The following JOSD1 variants were observed in gnomAD, a reference collection of about 807,000 sequenced individuals.
The protein encoded by JOSD1 is josephin-1.
In JOSD1, 11 loss-of-function variants were observed where a neutral mutation model predicts 24.3. That is an observed-to-expected ratio of 0.45 (90% CI 0.29 to 0.75). JOSD1 has a LOEUF of 0.75. Ranked by LOEUF, JOSD1 falls within the 30% of genes least tolerant of loss-of-function variation. The probability of loss-of-function intolerance (pLI) is 0.11; values close to 1 mark genes in which losing one functional copy is unlikely to be tolerated. For missense variants in JOSD1, 184 were observed against 253.5 expected, an observed-to-expected ratio of 0.73 and a Z score of 1.86; for synonymous variants, 106 against 93.8, an observed-to-expected ratio of 1.13 and a Z score of -0.75.
Position 38,687,745 on chromosome 22 carries a change from A to G in JOSD1, c.*157T>C, listed in dbSNP as rs1260997448. 1 of 615,408 alleles carries G rather than the reference A, an allele frequency of 1.6e-6. No individual in the cohort carries two copies. Among genetic ancestry groups the G allele is most frequent in the Non-Finnish European group, 2.9e-6 (1 of 339,818 alleles). 38.1% of individuals were successfully genotyped at this position (615,408 alleles called of 1,614,324 possible). A position where few individuals can be genotyped will look rare whatever the true frequency, so the allele number is the denominator to read the frequency against. ...GAACAAAACACTGAGTAGTTCTTAT[A>G]ACAGTCCACACGTCTGTCCTATTGC... On this transcript the variant is annotated 3_prime_UTR_variant, in exon 5 of 5. Transcript: ENST00000683374.
rs1430127241 is a variant in JOSD1, at chr22:38,689,122, C to T, written c.322G>A (p.Gly108Ser). ...ATGACGTTAGTGAGGGCAATGACAC[C>T]GACATCCCTGCAGGGGAGAAATGGT... is the stretch of plus-strand genomic sequence containing the variant. ...AVWWDKRRDVGVIALTNVMGF... is the reference protein window; with the variant it reads ...AVWWDKRRDVSVIALTNVMGF... Residue 108 changes from glycine (G) to serine (S), a missense_variant, in exon 4 of 5, where the codon GGT becomes AGT. Physicochemically the swap from Gly to Ser is moderately conservative, Grantham distance 56. Coordinates refer to ENST00000683374, the MANE Select transcript of JOSD1 (RefSeq NM_001360236.2). 24 of 1,613,056 alleles carry T rather than the reference C, an allele frequency of 1.5e-5. No homozygotes were observed. Among genetic ancestry groups the T allele is most frequent in the African/African-American group, 4.0e-5 (3 of 74,898 alleles).
Position 38,700,524 on chromosome 22 carries a change from G to A in JOSD1, c.-537C>T. The A allele has an allele frequency of 1.0e-6, 1 of 986,168 alleles. No homozygotes were observed. The highest frequency in any genetic ancestry group is 1.2e-6 in the Non-Finnish European group (1 of 830,422). 61.1% of individuals were successfully genotyped at this position (986,168 alleles called of 1,614,324 possible). On this transcript the variant is annotated 5_prime_UTR_variant, in exon 2 of 5. Coordinates refer to ENST00000683374, the MANE Select transcript of JOSD1 (RefSeq NM_001360236.2). ...GCGTGGGACCGCGAGCCGCGCGGGGGCCTCGGGGGCAGCCCTCCATCCCCT... is the reference window on the plus strand; with the variant it reads ...GCGTGGGACCGCGAGCCGCGCGGGGACCTCGGGGGCAGCCCTCCATCCCCT...
In JOSD1 at chr22:38,700,942, G is replaced by A. The variant is rs1273949280; in HGVS notation, c.-774C>T. 5 of 984,622 alleles carry A rather than the reference G, an allele frequency of 5.1e-6. No individual in the cohort carries two copies. Among genetic ancestry groups the A allele is most frequent in the East Asian group, 1.1e-4 (1 of 8,808 alleles). The allele number at this position is 984,622 out of a possible 1,614,324, so 61.0% of individuals were successfully genotyped here. A position where few individuals can be genotyped will look rare whatever the true frequency, so the allele number is the denominator to read the frequency against. ...CACCTGGAGTGCGCGCCGCCAACTG[G>A]GCCGTGCGGGCGGGCGCGCGCACCT... On this transcript the variant is annotated 5_prime_UTR_variant, in exon 1 of 5. Transcript: ENST00000683374.
intron 2 of JOSD1, among the ~76,000 whole-genome samples, chr22:38,694,764 A>G (rs965897619): frequency 2.7e-5 from 4 of 149,446 alleles, no homozygotes; most frequent in African/African-American, 9.8e-5. Context: ...TGGGAGGCTG[A>G]GGCAGGAGAA....
At chr22:38,694,725 G>A (rs1400687827) in intron 2 of JOSD1, among the ~76,000 whole-genome samples, 71 of 152,026 alleles carry the variant, frequency 4.7e-4, no homozygotes, top group Admixed American at 4.5e-3. Context: ...AGCCGGGCGT[G>A]GTGGTGGGCG....
chr22:38,695,135 G>T (rs2092539507), intron 2 of JOSD1, among the ~76,000 whole-genome samples: 1 of 152,058 alleles, frequency 6.6e-6, no homozygotes, highest in South Asian at 2.1e-4. Flanking sequence ...ATCAGGCATG[G>T]GTCAAAGAGC....
At chr22:38,695,329 A>AATAGTC (rs1402068479) in intron 2 of JOSD1, among the ~76,000 whole-genome samples, 2 of 152,160 alleles carry the variant, frequency 1.3e-5, no homozygotes, top group African/African-American at 2.4e-5. Context: ...GGGAGGCTGG[A>AATAGTC]ATAGTCATCC....
In JOSD1 at chr22:38,687,853, T is replaced by C. The variant is rs764127075; in HGVS notation, c.*49A>G. 5.3e-6 allele frequency: 7 copies of C among 1,311,818 alleles called. No individual in the cohort carries two copies. The highest frequency in any genetic ancestry group is 7.7e-6 in the Non-Finnish European group (7 of 904,822). 81.3% of individuals were successfully genotyped at this position (1,311,818 alleles called of 1,614,324 possible). A position where few individuals can be genotyped will look rare whatever the true frequency, so the allele number is the denominator to read the frequency against. ...GACCCACTGTAGAGGCCACAGCACG[T>C]CACAGAGGACTGAAGGGGCTGAGGC... On this transcript the variant is annotated 3_prime_UTR_variant, in exon 5 of 5. Transcript: ENST00000683374.
At chr22:38,693,630 A>G (rs1041342767) in intron 2 of JOSD1, among the ~76,000 whole-genome samples, 2 of 152,118 alleles carry the variant, frequency 1.3e-5, no homozygotes, top group African/African-American at 4.8e-5. Context: ...CCTAGGCTGG[A>G]TTACAGTGGT....
At chr22:38,692,642 G>A (rs1385578555) in intron 2 of JOSD1, among the ~76,000 whole-genome samples, 1 of 151,788 alleles carries the variant, frequency 6.6e-6, no homozygotes, top group African/African-American at 2.4e-5. Context: ...TTAGCCAGGT[G>A]TGGTGGCAGG....
chr22:38,689,300 G>T lies in JOSD1; in HGVS notation c.310C>A (p.Arg104Ser). The stretch of plus-strand genomic sequence containing the variant: ...GTCAAGCCTGATTCAGATTACCTGC[G>T]CTTGTCCCACCAAACAGCTTCATAG... ...KGYEAVWWDK[R>S]RDVGVIALTN... The change falls in exon 3 of 5, where the codon CGC becomes AGC. Residue 104 changes from arginine to serine, a missense_variant. By Grantham distance (110) the Arg-to-Ser change is moderately radical (BLOSUM62 -1). Transcript: ENST00000683374. 1 of 1,614,198 alleles carries T rather than the reference G, an allele frequency of 6.2e-7. No homozygotes were observed.
intron 2 of JOSD1, among the ~76,000 whole-genome samples, chr22:38,690,404 TTC>T (rs1603136553): frequency 6.6e-6 from 1 of 152,138 alleles, no homozygotes; most frequent in Non-Finnish European, 1.5e-5. Flanking sequence ...GGTATTTTTT[TTC>T]TTTCTTTTTT....
chr22:38,685,558 G>A lies in JOSD1; in HGVS notation c.*2344C>T, dbSNP rs561634323. On this transcript the variant is annotated 3_prime_UTR_variant, in exon 5 of 5. Coordinates refer to ENST00000683374, the MANE Select transcript of JOSD1 (RefSeq NM_001360236.2). ...GGCAATGAACTCCTTTTAAAACAGC[G>A]TCATACTAAAGTTTATTTTTCTTTA... 4.6e-5 allele frequency: 7 copies of A among 152,202 alleles called. No homozygotes were observed. Among genetic ancestry groups the A allele is most frequent in the Admixed American group, 1.3e-4 (2 of 15,284 alleles). The allele number at this position is 152,202 out of a possible 1,614,324, so 9.4% of individuals were successfully genotyped here.
At chr22:38,696,204 AT>A (rs1163080196) in intron 2 of JOSD1, among the ~76,000 whole-genome samples, 1 of 151,672 alleles carries the variant, frequency 6.6e-6, no homozygotes, top group African/African-American at 2.4e-5. Context: ...ATGTAATTTG[AT>A]TTCTATGACC....
chr22:38,699,629 G>GTT (rs2092559081), intron 2 of JOSD1, among the ~76,000 whole-genome samples, 174 bp downstream of exon 2: 1 of 152,196 alleles, frequency 6.6e-6, no homozygotes, highest in African/African-American at 2.4e-5. Flanking sequence ...CTAGCCCACC[G>GTT]TAAGTGCCTG....
rs1165876797 is a variant in JOSD1, at chr22:38,688,939, G to A, written c.505C>T (p.Leu169Phe). 1.2e-6 allele frequency: 2 copies of A among 1,612,988 alleles called. No individual in the cohort carries two copies. The highest frequency in any genetic ancestry group is 3.3e-5 in the Admixed American group (2 of 59,900). The change falls in exon 4 of 5, where the codon CTC becomes TTC. Residue 169 changes from leucine to phenylalanine, a missense_variant. Physicochemically the swap from Leu to Phe is conservative, Grantham distance 22. Transcript: ENST00000683374. ...MPEWIGGESE[L>F]RKFLKHHLRG... is the part of the protein sequence containing the mutation. ...GTCACAAAAGGTGCCGATTACCTGA[G>A]CTCGCTCTCGCCTCCAATCCACTCG...
Position 38,699,652 on chromosome 22 carries a change from G to A in JOSD1, c.185+151C>T, listed in dbSNP as rs1056917846. 33 of 728,376 alleles carry A rather than the reference G, an allele frequency of 4.5e-5. 1 individual carries two copies. In the Admixed American group the frequency reaches 6.3e-4, roughly 14 times the overall value. The allele number at this position is 728,376 out of a possible 1,614,324, so 45.1% of individuals were successfully genotyped here. On this transcript the variant is annotated intron_variant, in intron 2 of 4. Coordinates refer to ENST00000683374, the MANE Select transcript of JOSD1 (RefSeq NM_001360236.2). The stretch of plus-strand genomic sequence containing the variant: ...CCGTAAGTGCCTGATAAATGGTAGT[G>A]ATTATCTTTTCATGTCTTGTGTCCC...
rs1217205889 is a variant in JOSD1, at chr22:38,686,221, T to C, written c.*1681A>G. On this transcript the variant is annotated 3_prime_UTR_variant, in exon 5 of 5. Coordinates refer to ENST00000683374, the MANE Select transcript of JOSD1 (RefSeq NM_001360236.2). ...CCGCTTGGTGGCCTGTTACTCAGCA[T>C]TAAAAAAACGGCCTTGTTGGATTGA... is the stretch of plus-strand genomic sequence containing the variant. 6.6e-6 allele frequency: 1 copy of C among 152,502 alleles called. No homozygotes were observed. The allele number at this position is 152,502 out of a possible 1,614,324, so 9.4% of individuals were successfully genotyped here.
At chr22:38,698,714 A>C (rs1391663364) in intron 2 of JOSD1, among the ~76,000 whole-genome samples, 1 of 152,118 alleles carries the variant, frequency 6.6e-6, no homozygotes, top group Non-Finnish European at 1.5e-5. Context: ...GACTCTCAAA[A>C]CCTTTAATAA....
Sources: gnomAD v4.1 joint callset for allele counts (sites outside exome capture counted in the v4.1 genomes callset) on GRCh38, gnomAD v4.1.1 for gene constraint, MANE v1.5 for transcripts, NCBI Gene and HGNC (gene_info 2026-07-23, HGNC 2026-07-21) for gene names.